Variants in RAP1B observed in about 807,000 individuals in gnomAD.
The protein encoded by RAP1B is RAP1B, member of RAS oncogene family.
A neutral mutation model predicts 27.5 loss-of-function variants in RAP1B; 1 was observed. The observed-to-expected ratio is 0.04, with a 90% CI of 0.01 to 0.17. RAP1B has a LOEUF of 0.17. Ranked by LOEUF, RAP1B falls within the 10% of genes least tolerant of loss-of-function variation. The pLI is 1.00. For synonymous variants in RAP1B, 75 were observed against 73.1 expected, an observed-to-expected ratio of 1.03 and a Z score of -0.13; for missense variants, 84 against 214.8, an observed-to-expected ratio of 0.39 and a Z score of 3.81.
In RAP1B at chr12:68,662,611, T is replaced by C. The variant is rs1257080649; in HGVS notation, c.*3362T>C. ...ATCTGTGTTTTCATTGAATTTAATC[T>C]CCATCTATTCTATCTCTTCTTAAAT... On this transcript the variant is annotated 3_prime_UTR_variant, in exon 8 of 8. Coordinates refer to ENST00000250559, the MANE Select transcript of RAP1B (RefSeq NM_001010942.3). 6.6e-6 allele frequency: 1 copy of C among 152,154 alleles called. No homozygotes were observed. The highest frequency in any genetic ancestry group is 2.4e-5 in the African/African-American group (1 of 41,440). 9.4% of individuals were successfully genotyped at this position (152,154 alleles called of 1,614,324 possible). A position where few individuals can be genotyped will look rare whatever the true frequency, so the allele number is the denominator to read the frequency against.
At position 68,654,354 on chromosome 12, in the gene RAP1B, G is replaced by GA. The variant is rs577494496; in HGVS notation, c.324+102_324+103insA. On this transcript the variant is annotated intron_variant, in intron 5 of 7. Transcript: ENST00000250559. ...TTTAAAGCTTGTGTATTTTGGTTGG[G>GA]GGGGGGGTGTTGGTTTTTTTAAACT... is the stretch of plus-strand genomic sequence containing the variant. 727 of 468,756 alleles carry GA rather than the reference G, an allele frequency of 1.6e-3. 243 individuals carry two copies. In the East Asian group the frequency reaches 0.071, roughly 46 times the overall value. The allele number at this position is 468,756 out of a possible 1,614,324, so 29.0% of individuals were successfully genotyped here.
intron 1 of RAP1B, among the ~76,000 whole-genome samples, chr12:68,633,890 C>T (rs1292566429): frequency 1.3e-5 from 2 of 152,022 alleles, no homozygotes; most frequent in African/African-American, 4.8e-5. Context: ...AAAAACTTAA[C>T]ATCTCTAATC....
rs1235090666 is a variant in RAP1B at position 68,661,383 on chromosome 12, G to A, written c.*2134G>A. The A allele has an allele frequency of 2.0e-5, 3 of 152,002 alleles. No homozygotes were observed. The highest frequency in any genetic ancestry group is 4.4e-5 in the Non-Finnish European group (3 of 68,006). The allele number at this position is 152,002 out of a possible 1,614,324, so 9.4% of individuals were successfully genotyped here. On this transcript the variant is annotated 3_prime_UTR_variant, in exon 8 of 8. Transcript: ENST00000250559. ...TTTGCTGCCTACCAGCTATGTACCA[G>A]GCCCAGTTCTAGGCTCAAACAGCTA...
At chr12:68,654,492 CT>C (rs1029171925) in intron 5 of RAP1B, among the ~76,000 whole-genome samples, 320 of 144,000 alleles carry the variant, frequency 2.2e-3, no homozygotes, top group African/African-American at 5.1e-3. Flanking sequence ...TACACCCTTC[CT>C]TTTTTTTTTT....
chr12:68,646,072 G>C (rs560495521), intron 1 of RAP1B, among the ~76,000 whole-genome samples: 149 of 152,216 alleles, frequency 9.8e-4, no homozygotes, highest in African/African-American at 2.0e-3. Flanking sequence ...CTGGGAAAAA[G>C]AGTCCCAGTC....
chr12:68,656,908 G>A (rs1874247132), intron 6 of RAP1B, among the ~76,000 whole-genome samples, 193 bp from the exon 7 acceptor site: 1 of 152,138 alleles, frequency 6.6e-6, no homozygotes, highest in Non-Finnish European at 1.5e-5. Context: ...AGTATTTTAA[G>A]GAGCACAATA....
chr12:68,659,086 A>G (rs1160033665), intron 7 of RAP1B, among the ~76,000 whole-genome samples, 194 bp from the exon 8 acceptor site: 1 of 152,200 alleles, frequency 6.6e-6, no homozygotes, highest in African/African-American at 2.4e-5. Flanking sequence ...AGAGGGCAGC[A>G]GAATAGACTT....
intron 1 of RAP1B, among the ~76,000 whole-genome samples, chr12:68,639,241 A>T (rs928066478): frequency 6.6e-6 from 1 of 152,202 alleles, no homozygotes; most frequent in Non-Finnish European, 1.5e-5. Flanking sequence ...AACTGCTTCA[A>T]GCGTTTACAT....
intron 1 of RAP1B, among the ~76,000 whole-genome samples, chr12:68,618,021 C>T (rs1192929304): frequency 6.6e-6 from 1 of 151,110 alleles, no homozygotes; most frequent in East Asian, 2.0e-4. Context: ...CCTCCACCTC[C>T]CAAACTGCTA....
intron 1 of RAP1B, among the ~76,000 whole-genome samples, chr12:68,616,892 A>T (rs574101459): frequency 9.2e-5 from 14 of 152,220 alleles, no homozygotes; most frequent in African/African-American, 3.1e-4. Context: ...ACTTTATTTT[A>T]AAAATATACA....
rs1355779996 is a variant in RAP1B at position 68,661,492 on chromosome 12, A to G, written c.*2243A>G. On this transcript the variant is annotated 3_prime_UTR_variant, in exon 8 of 8. Coordinates refer to ENST00000250559, the MANE Select transcript of RAP1B (RefSeq NM_001010942.3). The stretch of plus-strand genomic sequence containing the variant: ...GATGTAGCAGCAACCAAGATCAACT[A>G]TAAAATGCTGCCCTCCTAGAATTTA... 5.9e-5 allele frequency: 9 copies of G among 152,142 alleles called. No homozygotes were observed. Among genetic ancestry groups the G allele is most frequent in the Non-Finnish European group, 1.0e-4 (7 of 68,030 alleles). 9.4% of individuals were successfully genotyped at this position (152,142 alleles called of 1,614,324 possible).
chr12:68,646,844 G>T (rs1018864067), intron 1 of RAP1B, among the ~76,000 whole-genome samples: 1 of 152,138 alleles, frequency 6.6e-6, no homozygotes, highest in African/African-American at 2.4e-5. Context: ...CGAAAACAAA[G>T]ACCTTTTTAT....
chr12:68,627,079 C>G, intron 1 of RAP1B: 1 of 1,593,644 alleles, frequency 6.3e-7, no homozygotes, highest in South Asian at 1.1e-5. Context: ...ATCACATGCT[C>G]CTTGTTCTGC....
chr12:68,627,285 G>A (rs1871867554), intron 1 of RAP1B: 4 of 865,224 alleles, frequency 4.6e-6, no homozygotes, highest in African/African-American at 1.6e-5. Flanking sequence ...CACACAGGCT[G>A]CATACACTAC....
chr12:68,611,389 C>T (rs978773635), intron 1 of RAP1B, among the ~76,000 whole-genome samples: 2 of 144,724 alleles, frequency 1.4e-5, no homozygotes, highest in African/African-American at 2.5e-5. Flanking sequence ...TCCGCCGCAG[C>T]TTCTCCCGCC....
At chr12:68,654,366 G>T (rs1874047442) in intron 5 of RAP1B, 114 bp downstream of exon 5, 67 of 714,542 alleles carry the variant, frequency 9.4e-5, no homozygotes, top group South Asian at 4.1e-4. Context: ...GGGGGGTGTT[G>T]GTTTTTTTAA....
At chr12:68,637,655 C>T (rs1872726067) in intron 1 of RAP1B, among the ~76,000 whole-genome samples, 1 of 136,168 alleles carries the variant, frequency 7.3e-6, no homozygotes, top group Non-Finnish European at 1.6e-5. Context: ...AAATAAATGA[C>T]CACCCCCCTG....
rs575413621 is a variant in RAP1B at position 68,654,195 on chromosome 12, A to G, written c.267A>G (p.Thr89=). The G allele has an allele frequency of 2.5e-6, 4 of 1,603,560 alleles. No homozygotes were observed. In the East Asian group the frequency reaches 6.7e-5, roughly 27 times the overall value. The change falls in exon 5 of 8, where the codon ACA becomes ACG. Residue 89 remains threonine (T), a synonymous_variant. Transcript: ENST00000250559. The stretch of plus-strand genomic sequence containing the variant: ...TTTATTCCATCACAGCACAGTCCAC[A>G]TTTAACGATTTACAAGACCTGAGAG... ...ALVYSITAQS[T]FNDLQDLREQ...
chr12:68,617,774 A>ATT (rs557536333), intron 1 of RAP1B, among the ~76,000 whole-genome samples: 7 of 148,042 alleles, frequency 4.7e-5, no homozygotes, highest in South Asian at 2.1e-4. Context: ...GTAATGTACT[A>ATT]TTTTTTTTTT....
Sources: allele counts gnomAD v4.1 joint callset (sites outside exome capture counted in the v4.1 genomes callset), GRCh38; gene constraint gnomAD v4.1.1; transcripts MANE v1.5; gene names NCBI Gene and HGNC (gene_info 2026-07-23, HGNC 2026-07-21).